Variants in NCAM2 observed in about 807,000 individuals in gnomAD.
NCAM2 encodes the protein N-CAM-2.
NCAM2 carries 30 observed loss-of-function variants against 98.1 expected under a neutral mutation model. The ratio of observed to expected loss-of-function variants is 0.31; its 90% CI spans 0.23 to 0.41. The LOEUF is 0.41. Ranked by LOEUF, NCAM2 falls within the 10% of genes least tolerant of loss-of-function variation. The probability of loss-of-function intolerance (pLI) is 1.00; values close to 1 mark genes in which losing one functional copy is unlikely to be tolerated. For synonymous variants in NCAM2, 368 were observed against 342.4 expected (o/e 1.07, Z -0.83); for missense variants, 867 against 1,005.8 (o/e 0.86, Z 1.87).
intron 1 of NCAM2, among the ~76,000 whole-genome samples, chr21:21,052,092 A>G (rs2065120360): frequency 6.6e-6 from 1 of 151,872 alleles, no homozygotes; most frequent in Non-Finnish European, 1.5e-5. Context: ...CACAGTACAG[A>G]ATTTTTTAAC....
At chr21:21,041,716 G>A (rs1239483230) in intron 1 of NCAM2, among the ~76,000 whole-genome samples, 1 of 152,140 alleles carries the variant, frequency 6.6e-6, no homozygotes, top group African/African-American at 2.4e-5. Flanking sequence ...TTGCTTCAGG[G>A]AAAGACGTCA....
intron 1 of NCAM2, among the ~76,000 whole-genome samples, chr21:21,186,999 G>A (rs2068661313): frequency 6.6e-6 from 1 of 152,036 alleles, no homozygotes; most frequent in African/African-American, 2.4e-5. Flanking sequence ...GGAGGCCAAG[G>A]CAGGTGGATC....
rs577182820 is a variant in NCAM2 at position 21,410,633 on chromosome 21, T to C, written c.1383+172T>C. Among the ~76,000 whole-genome samples the C allele has an allele frequency of 6.6e-5, 10 of 152,094 alleles. No homozygotes were observed. The East Asian group carries it at 1.9e-3, about 29-fold the overall frequency. Reference sequence around the variant, plus strand: ...AGGTCCATGGCTCATTAATGATGAGTGTATGAATGTCTATTCACTTATATA... The same window carrying C: ...AGGTCCATGGCTCATTAATGATGAGCGTATGAATGTCTATTCACTTATATA... On this transcript the variant is annotated intron_variant, in intron 10 of 17. Coordinates refer to ENST00000400546, the MANE Select transcript of NCAM2 (RefSeq NM_004540.5).
Position 21,346,228 on chromosome 21 carries a change from G to A in NCAM2, c.1044+7694G>A, listed in dbSNP as rs542119303. 8.4e-3 allele frequency among the ~76,000 whole-genome samples: 1,207 copies of A among 143,660 alleles called. 15 individuals carry two copies. Among genetic ancestry groups the A allele is most frequent in the African/African-American group, 0.029 (1,151 of 39,086 alleles). The allele number at this position is 143,660 out of a possible 152,430, so 94.2% of individuals were successfully genotyped here. A position where few individuals can be genotyped will look rare whatever the true frequency, so the allele number is the denominator to read the frequency against. Reference sequence around the variant, plus strand: ...GAAACCAAAAAAAAAAAAAAAACAGGAGTCACTATACTTATGTCAAACAAA... The same window carrying A: ...GAAACCAAAAAAAAAAAAAAAACAGAAGTCACTATACTTATGTCAAACAAA... On this transcript the variant is annotated intron_variant, in intron 8 of 17. Coordinates refer to ENST00000400546, the MANE Select transcript of NCAM2 (RefSeq NM_004540.5).
chr21:21,155,995 T>G (rs1460002934), intron 1 of NCAM2, among the ~76,000 whole-genome samples: 1 of 152,036 alleles, frequency 6.6e-6, no homozygotes, highest in Non-Finnish European at 1.5e-5. Flanking sequence ...TGTGGAAGGT[T>G]CTTCTTACTT....
At chr21:21,291,312 G>A (rs2147569348) in intron 4 of NCAM2, among the ~76,000 whole-genome samples, 1 of 151,994 alleles carries the variant, frequency 6.6e-6, no homozygotes, top group Admixed American at 6.6e-5. Context: ...GGAGAGAAAA[G>A]GTTTTAGCAT....
chr21:21,465,747 T>C (rs1983601621), intron 12 of NCAM2, among the ~76,000 whole-genome samples: 1 of 152,036 alleles, frequency 6.6e-6, no homozygotes, highest in Admixed American at 6.6e-5. Flanking sequence ...ATAACTTCCT[T>C]TTGATTTTCA....
chr21:21,167,096 G>A (rs1042353623), intron 1 of NCAM2, among the ~76,000 whole-genome samples: 1 of 151,946 alleles, frequency 6.6e-6, no homozygotes, highest in African/African-American at 2.4e-5. Context: ...TATGTAAATG[G>A]CTTTCTAGAT....
At chr21:21,231,326 T>C (rs1225388163) in intron 1 of NCAM2, among the ~76,000 whole-genome samples, 1 of 151,304 alleles carries the variant, frequency 6.6e-6, no homozygotes, top group Non-Finnish European at 1.5e-5. Context: ...CTTTTATAAT[T>C]TAATGAGCAA....
chr21:21,274,860 G>C (rs1057412941), intron 1 of NCAM2, among the ~76,000 whole-genome samples: 8 of 152,250 alleles, frequency 5.3e-5, no homozygotes, highest in East Asian at 3.9e-4. Flanking sequence ...CAGTTAGAAG[G>C]CTGGTTCAGT....
chr21:21,162,973 A>G (rs1170104818), intron 1 of NCAM2, among the ~76,000 whole-genome samples: 1 of 152,204 alleles, frequency 6.6e-6, no homozygotes, highest in Non-Finnish European at 1.5e-5. Flanking sequence ...GCTTTTATGA[A>G]TAAATAAAAA....
At chr21:21,122,301 G>T (rs1036710990) in intron 1 of NCAM2, among the ~76,000 whole-genome samples, 5 of 152,204 alleles carry the variant, frequency 3.3e-5, no homozygotes, top group Admixed American at 6.5e-5. Flanking sequence ...ATGGCACATG[G>T]TTAAATATGG....
chr21:21,494,618 G>C (rs542660785), intron 15 of NCAM2, among the ~76,000 whole-genome samples: 1 of 151,122 alleles, frequency 6.6e-6, no homozygotes, highest in Admixed American at 6.6e-5. Flanking sequence ...TAAGATAATA[G>C]CAAACATCAA....
chr21:21,227,720 T>A (rs1482426509), intron 1 of NCAM2, among the ~76,000 whole-genome samples: 2 of 151,810 alleles, frequency 1.3e-5, no homozygotes, highest in Non-Finnish European at 1.5e-5. Flanking sequence ...GCATTTTAAA[T>A]TGTGGAGAAA....
intron 8 of NCAM2, 86 bp downstream of exon 8, chr21:21,338,620 T>G: frequency 7.8e-7 from 1 of 1,275,464 alleles, no homozygotes; most frequent in Non-Finnish European, 1.1e-6. Context: ...TAGTCTCCAA[T>G]TTACCTAGTA....
intron 16 of NCAM2, among the ~76,000 whole-genome samples, chr21:21,528,772 A>C (rs1420745765): frequency 1.3e-5 from 2 of 152,188 alleles, no homozygotes; most frequent in Non-Finnish European, 2.9e-5. Flanking sequence ...CCACACATTT[A>C]TCACCTGAAA....
At chr21:21,446,581 T>C (rs754516383) in intron 12 of NCAM2, among the ~76,000 whole-genome samples, 15 of 151,766 alleles carry the variant, frequency 9.9e-5, no homozygotes, top group Non-Finnish European at 2.1e-4. Flanking sequence ...AAATAAAGAG[T>C]ATTCAAATAG....
chr21:21,115,040 C>T (rs531289892), intron 1 of NCAM2, among the ~76,000 whole-genome samples: 2 of 152,094 alleles, frequency 1.3e-5, no homozygotes, highest in Admixed American at 6.5e-5. Context: ...AGGCTGGTCT[C>T]GAACTCCTGA....
rs1018850116 is a variant in NCAM2, at chr21:21,088,201, C to G, written c.55+89583C>G. ...TCAATCCAAATGTAAAGAAAATATGCTAAATCTAGATCACTTTAGGGCGAG... is the reference window on the plus strand; with the variant it reads ...TCAATCCAAATGTAAAGAAAATATGGTAAATCTAGATCACTTTAGGGCGAG... On this transcript the variant is annotated intron_variant, in intron 1 of 17. Transcript: ENST00000400546. Among the ~76,000 whole-genome samples, 9 of 152,208 alleles carry G rather than the reference C, an allele frequency of 5.9e-5. No homozygotes were observed. The South Asian group carries it at 1.9e-3, about 32-fold the overall frequency.
Sources: gnomAD v4.1 joint callset for allele counts (sites outside exome capture counted in the v4.1 genomes callset) on GRCh38, gnomAD v4.1.1 for gene constraint, MANE v1.5 for transcripts, NCBI Gene and HGNC (gene_info 2026-07-23, HGNC 2026-07-21) for gene names.